The following ADGRD1 variants were observed in gnomAD, a reference collection of about 807,000 sequenced individuals.
ADGRD1 encodes the protein adhesion G protein-coupled receptor D1, also known as G-protein coupled receptor 133.
A neutral mutation model predicts 113.4 loss-of-function variants in ADGRD1; 77 were observed. That is an observed-to-expected ratio of 0.68 (90% CI 0.57 to 0.82). The LOEUF (loss-of-function observed/expected upper bound fraction) is 0.82. Ranked by LOEUF, ADGRD1 falls within the 40% of genes least tolerant of loss-of-function variation. The pLI, the probability that ADGRD1 is intolerant of heterozygous loss-of-function variation, is 0.00. For synonymous variants in ADGRD1, 474 were observed against 475.0 expected (o/e 1.00, Z 0.03); for missense variants, 1,036 against 1,139.1 (o/e 0.91, Z 1.30).
chr12:130,962,952 ATG>A (rs768919420), intron 2 of ADGRD1: 42 of 152,332 alleles, frequency 2.8e-4, no homozygotes, highest in African/African-American at 9.1e-4. Context: ...AAATGATGGT[ATG>A]TTCATAACTA....
chr12:131,141,406 A>G lies in ADGRD1; in HGVS notation c.*2143A>G, dbSNP rs900243930. 8 of 152,272 alleles carry G rather than the reference A, an allele frequency of 5.3e-5. No homozygotes were observed. Among genetic ancestry groups the G allele is most frequent in the Admixed American group, 2.6e-4 (4 of 15,292 alleles). The allele number at this position is 152,272 out of a possible 1,614,324, so 9.4% of individuals were successfully genotyped here. A position where few individuals can be genotyped will look rare whatever the true frequency, so the allele number is the denominator to read the frequency against. On this transcript the variant is annotated 3_prime_UTR_variant, in exon 25 of 25. Coordinates refer to ENST00000261654, the MANE Select transcript of ADGRD1 (RefSeq NM_198827.5). ...TTTAGTTTATAGTAGAAGAAAGATG[A>G]TGACACTAAGTTGTGAAAATATGTT...
intron 17 of ADGRD1, among the ~76,000 whole-genome samples, chr12:131,106,985 G>A (rs1314950886): frequency 2.0e-5 from 3 of 152,200 alleles, no homozygotes; most frequent in Non-Finnish European, 4.4e-5. Context: ...TGATGCTGAC[G>A]CTGCCTGTTC....
At position 130,954,918 on chromosome 12, in the gene ADGRD1, A is replaced by ATCT. The variant is rs199736530; in HGVS notation, c.103+261_103+263dup. Among the ~76,000 whole-genome samples, 2 of 34,474 alleles carry ATCT rather than the reference A, an allele frequency of 5.8e-5. No individual in the cohort carries two copies. Among genetic ancestry groups the ATCT allele is most frequent in the African/African-American group, 2.3e-4 (2 of 8,606 alleles). 22.6% of individuals were successfully genotyped at this position (34,474 alleles called of 152,430 possible). ...GAAACATTGTGATTAAGGAAATATG[A>ATCT]TCTTCATTTGAATGCCTTCTGCCTC... On this transcript the variant is annotated intron_variant, in intron 2 of 24. Transcript: ENST00000261654. This position sits in a 1 kb window ranked among gnomAD's most constrained non-coding sequence, Gnocchi z 4.7.
In ADGRD1 at chr12:130,954,655, ATCC is replaced by A; in HGVS notation, c.99_101del (p.His33_Pro34delinsGln). 6.2e-7 allele frequency: 1 copy of A among 1,613,086 alleles called. No individual in the cohort carries two copies. Among genetic ancestry groups the A allele is most frequent in the South Asian group, 1.1e-5 (1 of 91,030 alleles). The stretch of plus-strand genomic sequence containing the variant: ...GGCGTCTACTCCAGATCGCAGGACC[ATCC>A]AGGTAAGAGTGTTTCCTTCTCACTC... On this transcript the variant is annotated inframe_deletion and splice_region_variant, in exon 2 of 25. Coordinates refer to ENST00000261654, the MANE Select transcript of ADGRD1 (RefSeq NM_198827.5). The surrounding 1 kb of genome is among the most constrained non-coding windows in gnomAD (Gnocchi z 4.7).
chr12:131,138,324 C>G, intron 24 of ADGRD1, 95 bp downstream of exon 24: 2 of 993,562 alleles, frequency 2.0e-6, no homozygotes, highest in East Asian at 5.2e-5. Context: ...GCAGAGGTGG[C>G]TTCGGGTGCC....
intron 3 of ADGRD1, chr12:130,969,093 G>C: frequency 7.5e-7 from 1 of 1,327,568 alleles, no homozygotes; most frequent in South Asian, 1.3e-5. Flanking sequence ...ATGTACTTTT[G>C]TTCTTCGTTC....
chr12:130,975,383 C>T (rs993775070), intron 4 of ADGRD1, among the ~76,000 whole-genome samples: 4 of 152,212 alleles, frequency 2.6e-5, no homozygotes, highest in African/African-American at 9.7e-5. Context: ...GTGATGAGTT[C>T]TCAGTGCCTG....
intron 16 of ADGRD1, 58 bp from the exon 17 acceptor site, chr12:131,105,696 A>C: frequency 7.2e-7 from 1 of 1,386,882 alleles, no homozygotes; most frequent in African/African-American, 1.4e-5. Context: ...CAGGGAGCCC[A>C]GCCTGGGGGA....
chr12:131,021,527 TCGGCCTGTGG>T (rs1879318052), intron 13 of ADGRD1, among the ~76,000 whole-genome samples: 2 of 152,042 alleles, frequency 1.3e-5, no homozygotes, highest in African/African-American at 4.8e-5. Flanking sequence ...GCTGTGTGAG[TCGGCCTGTGG>T]GCTACCAAGC....
Position 130,966,679 on chromosome 12 carries a change from G to T in ADGRD1, c.187+133G>T. 1 of 671,410 alleles carries T rather than the reference G, an allele frequency of 1.5e-6. No homozygotes were observed. The highest frequency in any genetic ancestry group is 2.3e-5 in the Admixed American group (1 of 43,078). The allele number at this position is 671,410 out of a possible 1,614,324, so 41.6% of individuals were successfully genotyped here. On this transcript the variant is annotated intron_variant, in intron 3 of 24. Coordinates refer to ENST00000261654, the MANE Select transcript of ADGRD1 (RefSeq NM_198827.5). The surrounding 1 kb of genome is among the most constrained non-coding windows in gnomAD (Gnocchi z 4.6). ...ACGTGGGTGCTGAGAGTGACTGTGGGCCGGGGAATCCCAGGGCCATCGGGG... is the reference window on the plus strand; with the variant it reads ...ACGTGGGTGCTGAGAGTGACTGTGGTCCGGGGAATCCCAGGGCCATCGGGG...
At chr12:131,108,905 C>A (rs770454791) in intron 18 of ADGRD1, 28 bp downstream of exon 18, 2 of 212,122 alleles carry the variant, frequency 9.4e-6, no homozygotes, top group Non-Finnish European at 1.8e-5. Flanking sequence ...GGTGGGATGG[C>A]GGGGCGGGAG....
At chr12:131,090,107 G>A (rs772025172) in intron 15 of ADGRD1, among the ~76,000 whole-genome samples, 29 of 152,278 alleles carry the variant, frequency 1.9e-4, no homozygotes, top group East Asian at 7.7e-4. Context: ...ATCCGTCACC[G>A]TTCCCTCTCA....
chr12:131,053,972 A>G (rs1474825749), intron 13 of ADGRD1, among the ~76,000 whole-genome samples: 1 of 152,156 alleles, frequency 6.6e-6, no homozygotes, highest in African/African-American at 2.4e-5. Context: ...TCACCTGGTT[A>G]TAGCCCGTCC....
At chr12:130,996,616 C>T (rs1455719283) in intron 8 of ADGRD1, among the ~76,000 whole-genome samples, 2 of 104,308 alleles carry the variant, frequency 1.9e-5, no homozygotes, top group African/African-American at 7.5e-5. Flanking sequence ...CGGGCAGAGG[C>T]GCCCCTCACC....
intron 4 of ADGRD1, among the ~76,000 whole-genome samples, chr12:130,979,001 G>A (rs976920426): frequency 5.3e-5 from 8 of 151,440 alleles, no homozygotes; most frequent in African/African-American, 1.9e-4. Context: ...GGCTCGGGGG[G>A]TTGTCCTGGC....
chr12:131,091,584 G>A (rs558697129), intron 15 of ADGRD1, among the ~76,000 whole-genome samples: 7 of 152,200 alleles, frequency 4.6e-5, no homozygotes, highest in Non-Finnish European at 8.8e-5. Context: ...GTAAAGCCAC[G>A]CCAAAATCCC....
At chr12:131,014,158 C>T (rs1459463908) in intron 12 of ADGRD1, 41 bp from the exon 13 acceptor site, 4 of 1,600,060 alleles carry the variant, frequency 2.5e-6, no homozygotes, top group Admixed American at 1.7e-5. Context: ...TGCTGCTCCC[C>T]TGCGTTTCCC....
chr12:131,125,367 C>T (rs1442502516), intron 20 of ADGRD1, among the ~76,000 whole-genome samples: 2 of 152,196 alleles, frequency 1.3e-5, no homozygotes, highest in African/African-American at 4.8e-5. Flanking sequence ...TTGTTCTGTG[C>T]TGGCCCCACC....
intron 15 of ADGRD1, among the ~76,000 whole-genome samples, chr12:131,092,750 G>T (rs1005515333): frequency 1.3e-5 from 2 of 152,170 alleles, no homozygotes; most frequent in Non-Finnish European, 2.9e-5. Context: ...TCAATAGGAC[G>T]GTCATGAACC....
Sources: allele counts gnomAD v4.1 joint callset (sites outside exome capture counted in the v4.1 genomes callset), GRCh38; gene constraint gnomAD v4.1.1; non-coding constraint Gnocchi (gnomAD v3.1); transcripts MANE v1.5; gene names NCBI Gene and HGNC (gene_info 2026-07-23, HGNC 2026-07-21).